Variants in ACP3 observed in about 807,000 individuals in gnomAD.
ACP3 encodes prostatic acid phosphatase.
ACP3 carries 38 observed loss-of-function variants against 45.6 expected under a neutral mutation model. That is an observed-to-expected ratio of 0.83 (90% CI 0.64 to 1.09). The LOEUF is 1.09. Among genes scored for constraint, ACP3 ranks in the 50% least tolerant of loss-of-function variants. ACP3 has a pLI of 0.00. For missense variants in ACP3, 466 were observed against 463.2 expected (o/e 1.01, Z -0.05); for synonymous variants, 162 against 164.7 (o/e 0.98, Z 0.13).
intron 1 of ACP3, among the ~76,000 whole-genome samples, chr3:132,327,219 T>C (rs945703320): frequency 6.6e-6 from 1 of 152,252 alleles, no homozygotes; most frequent in African/African-American, 2.4e-5. Context: ...ATTATTTTTA[T>C]TGTATATAAA....
chr3:132,355,737 C>T (rs564293792), intron 9 of ACP3, among the ~76,000 whole-genome samples: 55 of 152,190 alleles, frequency 3.6e-4, no homozygotes, highest in Admixed American at 1.9e-3. Context: ...AGGATGGTCT[C>T]GATCTCCTGA....
At chr3:132,317,724 C>A in intron 1 of ACP3, 148 bp downstream of exon 1, 2 of 943,520 alleles carry the variant, frequency 2.1e-6, no homozygotes, top group Non-Finnish European at 2.9e-6. Context: ...TCAAGTTTTG[C>A]AAGTTCCTCT....
At chr3:132,342,827 C>G (rs1937567621) in intron 6 of ACP3, among the ~76,000 whole-genome samples, 183 bp downstream of exon 6, 1 of 152,096 alleles carries the variant, frequency 6.6e-6, no homozygotes, top group South Asian at 2.1e-4. Context: ...TCTCTTTTCT[C>G]TCTATTATTA....
intron 1 of ACP3, among the ~76,000 whole-genome samples, chr3:132,324,363 G>A (rs1408055149): frequency 6.6e-6 from 1 of 152,136 alleles, no homozygotes; most frequent in Non-Finnish European, 1.5e-5. Context: ...TTCATTCATG[G>A]GGGCACCAAA....
At chr3:132,347,844 T>TACACACACACACAC (rs112045628) in intron 7 of ACP3, among the ~76,000 whole-genome samples, 4,392 of 144,936 alleles carry the variant, frequency 0.03, 101 homozygotes, top group Middle Eastern at 0.038. Flanking sequence ...CACACACACA[T>TACACACACACACAC]ACACACACAC....
At chr3:132,325,454 G>C (rs1460538287) in intron 1 of ACP3, among the ~76,000 whole-genome samples, 1 of 152,148 alleles carries the variant, frequency 6.6e-6, no homozygotes, top group Non-Finnish European at 1.5e-5. Flanking sequence ...ACTCTGCTAA[G>C]GTGACCACAC....
chr3:132,367,893 C>A, exon 11 of ACP3: 1 of 1,177,054 alleles, frequency 8.5e-7, no homozygotes, highest in Non-Finnish European at 1.3e-6. Context: ...ATCTAAAGGA[C>A]AGGCTTTTGC....
chr3:132,317,639 C>T, intron 1 of ACP3, 63 bp downstream of exon 1: 1 of 1,539,356 alleles, frequency 6.5e-7, no homozygotes, highest in South Asian at 1.3e-5. Flanking sequence ...TCTGATAAGG[C>T]AAGCGTCAGG....
At chr3:132,324,320 G>C (rs1937258177) in intron 1 of ACP3, among the ~76,000 whole-genome samples, 1 of 151,906 alleles carries the variant, frequency 6.6e-6, no homozygotes, top group African/African-American at 2.4e-5. Context: ...TAAGCCACAT[G>C]CCAGATTTGT....
In ACP3 at chr3:132,332,527, A is replaced by G. The variant is rs1937419105; in HGVS notation, c.456+183A>G. ...AAACCCTAGCTAAGAGAGAGTAGGA[A>G]CCAAATTTCTCTTTGGATCTGTATG... On this transcript the variant is annotated intron_variant, in intron 4 of 9. Coordinates refer to ENST00000336375, the MANE Select transcript of ACP3 (RefSeq NM_001099.5). The G allele has an allele frequency of 5.6e-6, 4 of 712,422 alleles. No individual in the cohort carries two copies. In the East Asian group the frequency reaches 1.1e-4, roughly 20 times the overall value. 44.1% of individuals were successfully genotyped at this position (712,422 alleles called of 1,614,324 possible).
chr3:132,328,175 C>T, intron 1 of ACP3, 92 bp from the exon 2 acceptor site: 1 of 949,762 alleles, frequency 1.1e-6, no homozygotes, highest in Non-Finnish European at 1.6e-6. Context: ...AAGTTAAAAC[C>T]AATGAGTTAG....
rs763071329 is a variant in ACP3, at chr3:132,332,297, C to T, written c.409C>T (p.Leu137Phe). Residue 137 changes from leucine to phenylalanine, a missense_variant, in exon 4 of 10, where the codon CTC becomes TTC. Leu to Phe is a conservative substitution (Grantham distance 22). Coordinates refer to ENST00000336375, the MANE Select transcript of ACP3 (RefSeq NM_001099.5). ...EGVSIWNPIL[L>F]WQPIPVHTVP... ...TGTCAGCATCTGGAATCCTATCCTACTCTGGCAGCCCATCCCGGTGCACAC... is the reference window on the plus strand; with the variant it reads ...TGTCAGCATCTGGAATCCTATCCTATTCTGGCAGCCCATCCCGGTGCACAC... 1.2e-6 allele frequency: 2 copies of T among 1,614,132 alleles called. No homozygotes were observed. The highest frequency in any genetic ancestry group is 3.3e-5 in the Admixed American group (2 of 60,024).
intron 3 of ACP3, 149 bp downstream of exon 3, chr3:132,331,882 G>A (rs936762956): frequency 9.9e-6 from 8 of 809,376 alleles, no homozygotes; most frequent in African/African-American, 5.3e-5. Flanking sequence ...GCAAATTTTT[G>A]TTCCAAAAAG....
chr3:132,319,903 A>G (rs529938504), intron 1 of ACP3, among the ~76,000 whole-genome samples: 1 of 152,328 alleles, frequency 6.6e-6, no homozygotes, highest in East Asian at 1.9e-4. Flanking sequence ...TGATCCGAGA[A>G]AAATAAATCC....
At chr3:132,328,123 A>G in intron 1 of ACP3, 144 bp from the exon 2 acceptor site, 1 of 555,926 alleles carries the variant, frequency 1.8e-6, no homozygotes, top group Non-Finnish European at 3.2e-6. Context: ...GCCAGTCCTC[A>G]GAATCTTTTA....
intron 1 of ACP3, among the ~76,000 whole-genome samples, chr3:132,325,630 C>T (rs1207328930): frequency 4.7e-5 from 2 of 42,554 alleles, no homozygotes; most frequent in African/African-American, 2.4e-4. Flanking sequence ...CCCTTCCAAT[C>T]CTAGAGGAAA....
At chr3:132,365,837 A>C (rs769862564) in intron 10 of ACP3, among the ~76,000 whole-genome samples, 46 of 152,174 alleles carry the variant, frequency 3.0e-4, no homozygotes, top group Admixed American at 1.4e-3. Flanking sequence ...AAATACAAAA[A>C]AAAATTAGCC....
At chr3:132,331,843 G>A in intron 3 of ACP3, 110 bp downstream of exon 3, 1 of 1,005,462 alleles carries the variant, frequency 9.9e-7, no homozygotes, top group Non-Finnish European at 1.5e-6. Flanking sequence ...CAAGTCAGAG[G>A]TCTTGTTTAC....
At chr3:132,321,386 A>C (rs1212779116) in intron 1 of ACP3, among the ~76,000 whole-genome samples, 2 of 152,044 alleles carry the variant, frequency 1.3e-5, no homozygotes, top group African/African-American at 4.8e-5. Context: ...CTCCTGCCTC[A>C]GTTCACAAAC....
Sources: allele counts gnomAD v4.1 joint callset (sites outside exome capture counted in the v4.1 genomes callset), GRCh38; gene constraint gnomAD v4.1.1; transcripts MANE v1.5; gene names NCBI Gene and HGNC (gene_info 2026-07-23, HGNC 2026-07-21).